Variants in POMZP3 observed in about 807,000 individuals in gnomAD.
POMZP3 encodes the protein POM121 and ZP3 fusion protein.
In POMZP3, 10 loss-of-function variants were observed where a neutral mutation model predicts 19.8. The ratio of observed to expected loss-of-function variants is 0.51; its 90% CI spans 0.31 to 0.86. The LOEUF is 0.86. POMZP3 is among the 40% of genes least tolerant of loss of function. The pLI is 0.04. For missense variants in POMZP3, 152 were observed against 228.1 expected (o/e 0.67, Z 2.15); for synonymous variants, 57 against 85.8 (o/e 0.66, Z 1.85).
intron 3 of POMZP3, chr7:76,618,738 G>A (rs1214131458): frequency 5.8e-6 from 1 of 172,266 alleles, no homozygotes; most frequent in Non-Finnish European, 1.3e-5. Context: ...GAAAGTTTCT[G>A]GGAAGAGACC....
chr7:76,610,324 T>C, intron 6 of POMZP3, 109 bp from the exon 7 acceptor site: 1 of 1,133,268 alleles, frequency 8.8e-7, no homozygotes, highest in Non-Finnish European at 1.3e-6. Flanking sequence ...GTCTTTTTTG[T>C]GTGGGCTAAT....
chr7:76,618,492 C>G (rs752759450), intron 3 of POMZP3, 192 bp from the exon 4 acceptor site: 1 of 757,448 alleles, frequency 1.3e-6, no homozygotes, highest in Non-Finnish European at 2.1e-6. Flanking sequence ...TGCAGCAGTG[C>G]ACACCTGTAA....
At chr7:76,622,335 TGGGTA>T (rs1324312840) in intron 3 of POMZP3, among the ~76,000 whole-genome samples, 1 of 150,062 alleles carries the variant, frequency 6.7e-6, no homozygotes, top group Non-Finnish European at 1.5e-5. Flanking sequence ...ACTTGGGGTC[TGGGTA>T]GGGACCCCTT....
chr7:76,624,939 T>G (rs1479321181), intron 3 of POMZP3, among the ~76,000 whole-genome samples: 1 of 150,942 alleles, frequency 6.6e-6, no homozygotes, highest in Admixed American at 6.6e-5. Context: ...GAGACCATCC[T>G]GGCCAACATG....
intron 3 of POMZP3, among the ~76,000 whole-genome samples, chr7:76,622,954 C>T (rs1563804888): frequency 6.6e-6 from 1 of 151,830 alleles, no homozygotes; most frequent in Non-Finnish European, 1.5e-5. Flanking sequence ...TCACTGCAGC[C>T]TCCAACTCCT....
rs190164012 is a variant in POMZP3 at position 76,623,857 on chromosome 7, G to A, written c.227+1665C>T. Among the ~76,000 whole-genome samples the A allele has an allele frequency of 5.7e-3, 866 of 151,780 alleles. 5 individuals are homozygous for A. Among genetic ancestry groups the A allele is most frequent in the Non-Finnish European group, 9.7e-3 (658 of 67,944 alleles). ...GAAAAGCAAAGCACGCTTGGTGACC[G>A]TGCTAGGTTTTTTGAGATAAGTTTT... On this transcript the variant is annotated intron_variant, in intron 3 of 6. Coordinates refer to ENST00000310842, the MANE Select transcript of POMZP3 (RefSeq NM_012230.5).
chr7:76,615,995 G>C (rs1754209), intron 4 of POMZP3, among the ~76,000 whole-genome samples: 45 of 66,858 alleles, frequency 6.7e-4, no homozygotes, highest in South Asian at 5.4e-4. Flanking sequence ...AAAAAGGGGG[G>C]GGGGGCAGGT....
rs1815827140 is a variant in POMZP3 at position 76,625,504 on chromosome 7, C to T, written c.227+18G>A. The T allele has an allele frequency of 8.1e-6, 13 of 1,611,768 alleles. 1 individual carries two copies. The highest frequency in any genetic ancestry group is 8.5e-6 in the Non-Finnish European group (10 of 1,178,116). ...GTCCAAGCGGGAAACTGGCTTAGTA[C>T]TCTCCTGAGCCTGTTACCTTCTTTT... On this transcript the variant is annotated intron_variant, in intron 3 of 6. Transcript: ENST00000310842.
Position 76,617,221 on chromosome 7 carries a change from C to T in POMZP3, c.345+962G>A, listed in dbSNP as rs1387753645. Among the ~76,000 whole-genome samples, 2 of 85,478 alleles carry T rather than the reference C, an allele frequency of 2.3e-5. 1 individual carries two copies. The highest frequency in any genetic ancestry group is 2.3e-4 in the Admixed American group (2 of 8,726). 56.1% of individuals were successfully genotyped at this position (85,478 alleles called of 152,430 possible). ...GACCTCGTGATCTGCCCGCCTCAGC[C>T]TCCCAAAGTGCTGGGATTATGGGCA... On this transcript the variant is annotated intron_variant, in intron 4 of 6. Coordinates refer to ENST00000310842, the MANE Select transcript of POMZP3 (RefSeq NM_012230.5).
At chr7:76,614,438 A>G (rs1299779436) in intron 4 of POMZP3, among the ~76,000 whole-genome samples, 1 of 83,090 alleles carries the variant, frequency 1.2e-5, no homozygotes, top group Non-Finnish European at 2.5e-5. Flanking sequence ...AGGTGCCTAT[A>G]ATCCCAGCTA....
At position 76,627,034 on chromosome 7, in the gene POMZP3, A is replaced by C; in HGVS notation, c.-478T>G. On this transcript the variant is annotated 5_prime_UTR_variant, in exon 1 of 7. Transcript: ENST00000310842. ...TCGCCGATGTCGCGCCTTCTGAACG[A>C]AGGAGGACAAGGGGCGCGAACCTCG... 7 of 1,325,222 alleles carry C rather than the reference A, an allele frequency of 5.3e-6. No homozygotes were observed. The highest frequency in any genetic ancestry group is 6.9e-6 in the Non-Finnish European group (7 of 1,008,620). The allele number at this position is 1,325,222 out of a possible 1,614,324, so 82.1% of individuals were successfully genotyped here.
At chr7:76,624,492 C>T (rs1373904762) in intron 3 of POMZP3, among the ~76,000 whole-genome samples, 1 of 151,634 alleles carries the variant, frequency 6.6e-6, no homozygotes, top group African/African-American at 2.4e-5. Flanking sequence ...GTCACCCAGG[C>T]TAGCATGCAC....
At chr7:76,624,452 ATTTT>A (rs34901875) in intron 3 of POMZP3, among the ~76,000 whole-genome samples, 4,469 of 147,494 alleles carry the variant, frequency 0.03, 194 homozygotes, top group African/African-American at 0.1. Flanking sequence ...CACATAAGGA[ATTTT>A]TTTTTTTTTC....
chr7:76,615,159 C>A lies in POMZP3; in HGVS notation c.345+3024G>T. On this transcript the variant is annotated intron_variant, in intron 4 of 6. Coordinates refer to ENST00000310842, the MANE Select transcript of POMZP3 (RefSeq NM_012230.5). ...CAGCACTGTTCTCTGGTCTTAGTTA[C>A]CCCTCCACACCCAGAGATTGAGAAA... Among the ~76,000 whole-genome samples, 2 of 98,452 alleles carry A rather than the reference C, an allele frequency of 2.0e-5. 1 individual carries two copies. Among genetic ancestry groups the A allele is most frequent in the Non-Finnish European group, 4.5e-5 (2 of 44,382 alleles). 64.6% of individuals were successfully genotyped at this position (98,452 alleles called of 152,430 possible).
chr7:76,618,941 CCAT>C (rs370554318), intron 3 of POMZP3, among the ~76,000 whole-genome samples: 4 of 152,214 alleles, frequency 2.6e-5, no homozygotes, highest in African/African-American at 7.2e-5. Context: ...GCGTGCACCA[CCAT>C]GTCAGGCCGA....
Position 76,626,129 on chromosome 7 carries a change from A to T in POMZP3, c.-65T>A, listed in dbSNP as rs1288318302. On this transcript the variant is annotated 5_prime_UTR_variant, in exon 2 of 7. Coordinates refer to ENST00000310842, the MANE Select transcript of POMZP3 (RefSeq NM_012230.5). ...ACCATTCCAGCACACTGTGGGAAGT[A>T]CCCCCGGACAGGAATACTGGGCCTG... 7 of 1,611,808 alleles carry T rather than the reference A, an allele frequency of 4.3e-6. No individual in the cohort carries two copies. In the Middle Eastern group the frequency reaches 5.0e-4, roughly 114 times the overall value.
intron 4 of POMZP3, 135 bp from the exon 5 acceptor site, chr7:76,611,948 C>T (rs1815130514): frequency 6.7e-7 from 1 of 1,495,184 alleles, no homozygotes; most frequent in Non-Finnish European, 9.0e-7. Context: ...CCTATAATCC[C>T]AGCACTTTGG....
chr7:76,624,343 G>A (rs1815737743), intron 3 of POMZP3, among the ~76,000 whole-genome samples: 1 of 151,746 alleles, frequency 6.6e-6, no homozygotes, highest in African/African-American at 2.4e-5. Flanking sequence ...GAGGTCAGGA[G>A]TTCGAGACCA....
At position 76,610,043 on chromosome 7, in the gene POMZP3, C is replaced by G. The variant is rs1815013312; in HGVS notation, c.*184G>C. On this transcript the variant is annotated 3_prime_UTR_variant, in exon 7 of 7. Coordinates refer to ENST00000310842, the MANE Select transcript of POMZP3 (RefSeq NM_012230.5). ...CAGGGTGGGAGGCAGTGCGACACCT[C>G]CTGGTGAGAACCAGGATAACAGCAG... is the stretch of plus-strand genomic sequence containing the variant. The G allele has an allele frequency of 3.9e-6, 4 of 1,036,844 alleles. No individual in the cohort carries two copies. Among genetic ancestry groups the G allele is most frequent in the Non-Finnish European group, 4.4e-6 (3 of 685,820 alleles). The allele number at this position is 1,036,844 out of a possible 1,614,324, so 64.2% of individuals were successfully genotyped here.
Sources: allele counts gnomAD v4.1 joint callset (sites outside exome capture counted in the v4.1 genomes callset), GRCh38; gene constraint gnomAD v4.1.1; transcripts MANE v1.5; gene names NCBI Gene and HGNC (gene_info 2026-07-23, HGNC 2026-07-21).